The following PDE4B variants were observed in gnomAD, a reference collection of about 807,000 sequenced individuals.
PDE4B encodes the protein 3',5'-cyclic-AMP phosphodiesterase 4B.
A neutral mutation model predicts 82.2 loss-of-function variants in PDE4B; 20 were observed. That is an observed-to-expected ratio of 0.24 (90% CI 0.17 to 0.35). The LOEUF (loss-of-function observed/expected upper bound fraction) is 0.35, where lower values mean the gene tolerates loss of function less well. Ranked by LOEUF, PDE4B falls within the 10% of genes least tolerant of loss-of-function variation. PDE4B has a pLI of 1.00. For missense variants in PDE4B, 655 were observed against 907.2 expected (o/e 0.72, Z 3.57); for synonymous variants, 320 against 318.9 (o/e 1.00, Z -0.04).
At chr1:66,139,363 T>C (rs1353552053) in intron 3 of PDE4B, among the ~76,000 whole-genome samples, 1 of 152,140 alleles carries the variant, frequency 6.6e-6, no homozygotes, top group Non-Finnish European at 1.5e-5. Context: ...CTTAGCTCCT[T>C]AATACTGGCC....
chr1:65,931,918 G>T (rs1272275100), intron 3 of PDE4B, among the ~76,000 whole-genome samples: 2 of 152,190 alleles, frequency 1.3e-5, no homozygotes, highest in Admixed American at 6.5e-5. Flanking sequence ...GCATAATCTA[G>T]CCATCCAGGG....
intron 1 of PDE4B, among the ~76,000 whole-genome samples, chr1:65,845,772 C>T (rs571141930): frequency 4.6e-5 from 7 of 152,130 alleles, no homozygotes; most frequent in Non-Finnish European, 8.8e-5. Context: ...CACCCTTTAT[C>T]TTTAATGACT....
At chr1:66,022,085 G>A (rs996415392) in intron 3 of PDE4B, among the ~76,000 whole-genome samples, 1 of 152,184 alleles carries the variant, frequency 6.6e-6, no homozygotes, top group Admixed American at 6.5e-5. Flanking sequence ...TTGTGAGTGG[G>A]AGTTCACTCG....
intron 3 of PDE4B, among the ~76,000 whole-genome samples, chr1:66,008,464 C>G (rs1652282287): frequency 6.6e-6 from 1 of 152,142 alleles, no homozygotes; most frequent in South Asian, 2.1e-4. Flanking sequence ...TACTCACCCA[C>G]AAGGGCTTTG....
intron 3 of PDE4B, among the ~76,000 whole-genome samples, chr1:66,059,646 G>A (rs201150011): frequency 3.9e-5 from 6 of 152,218 alleles, no homozygotes; most frequent in South Asian, 2.1e-4. Flanking sequence ...CTTGTGAGAC[G>A]TATTCACTAT....
intron 3 of PDE4B, among the ~76,000 whole-genome samples, chr1:66,090,323 T>C (rs1390097395): frequency 6.6e-6 from 1 of 151,878 alleles, no homozygotes; most frequent in African/African-American, 2.4e-5. Flanking sequence ...CAGCTGGAAA[T>C]ATGCTTAGAT....
chr1:66,369,220 T>C (rs977866593), intron 16 of PDE4B, among the ~76,000 whole-genome samples: 2 of 152,214 alleles, frequency 1.3e-5, no homozygotes, highest in African/African-American at 4.8e-5. Context: ...TTTAGATAGT[T>C]GTCTCTGATG....
intron 2 of PDE4B, among the ~76,000 whole-genome samples, chr1:65,913,564 G>A (rs1481075590): frequency 6.6e-6 from 1 of 152,152 alleles, no homozygotes; most frequent in Non-Finnish European, 1.5e-5. Context: ...AATGGGCTGA[G>A]TTTCACTTTT....
intron 7 of PDE4B, among the ~76,000 whole-genome samples, chr1:66,324,973 C>G (rs1024241668): frequency 1.1e-4 from 16 of 152,068 alleles, no homozygotes; most frequent in African/African-American, 3.4e-4. Flanking sequence ...TTATATCTAA[C>G]TCTAAGGGAA....
At chr1:66,334,956 A>G (rs1230778734) in intron 8 of PDE4B, among the ~76,000 whole-genome samples, 1 of 152,206 alleles carries the variant, frequency 6.6e-6, no homozygotes. Flanking sequence ...AAAGAAATTG[A>G]TCTACACCAG....
intron 3 of PDE4B, among the ~76,000 whole-genome samples, chr1:66,067,449 C>G (rs1018619307): frequency 4.6e-5 from 7 of 152,102 alleles, no homozygotes; most frequent in African/African-American, 1.7e-4. Context: ...TGATCATGAG[C>G]ATTTTTTCAT....
At chr1:66,082,188 TG>T (rs1224874242) in intron 3 of PDE4B, among the ~76,000 whole-genome samples, 1 of 152,112 alleles carries the variant, frequency 6.6e-6, no homozygotes, top group Non-Finnish European at 1.5e-5. Context: ...GGTGCTACTT[TG>T]CAGTCTTCTT....
intron 3 of PDE4B, among the ~76,000 whole-genome samples, chr1:66,197,455 A>T (rs1648425495): frequency 6.6e-6 from 1 of 152,132 alleles, no homozygotes; most frequent in African/African-American, 2.4e-5. Flanking sequence ...GGGAGCAAAA[A>T]AAATCAGCCA....
At chr1:66,071,720 G>C (rs1015448139) in intron 3 of PDE4B, among the ~76,000 whole-genome samples, 3 of 152,036 alleles carry the variant, frequency 2.0e-5, no homozygotes, top group Non-Finnish European at 2.9e-5. Flanking sequence ...CAGCTTCCCT[G>C]TTATGACAGA....
intron 1 of PDE4B, among the ~76,000 whole-genome samples, chr1:65,825,229 C>T (rs1646000670): frequency 6.6e-6 from 1 of 152,126 alleles, no homozygotes; most frequent in African/African-American, 2.4e-5. Flanking sequence ...TTCCCCACCT[C>T]CCCTTTTTCA....
intron 7 of PDE4B, among the ~76,000 whole-genome samples, chr1:66,296,902 T>C (rs1657552142): frequency 6.6e-6 from 1 of 152,192 alleles, no homozygotes; most frequent in Non-Finnish European, 1.5e-5. Flanking sequence ...GAGGTGACCC[T>C]TCCAGAGCCT....
At chr1:66,257,456 T>G in intron 4 of PDE4B, 191 bp from the exon 5 acceptor site, 1 of 768,422 alleles carries the variant, frequency 1.3e-6, no homozygotes, top group South Asian at 1.4e-5. Context: ...ATGAATCTAG[T>G]ACTAATTTTT....
chr1:65,959,349 T>C (rs1381824595), intron 3 of PDE4B, among the ~76,000 whole-genome samples: 8 of 152,140 alleles, frequency 5.3e-5, no homozygotes, highest in Non-Finnish European at 5.9e-5. Context: ...AAATCTGAAT[T>C]TTTTTAAATG....
intron 3 of PDE4B, among the ~76,000 whole-genome samples, chr1:65,919,272 G>C (rs1647197654): frequency 6.6e-6 from 1 of 152,058 alleles, no homozygotes; most frequent in Non-Finnish European, 1.5e-5. Context: ...ATTAATCTCA[G>C]TTTGTGATTA....
Sources: gnomAD v4.1 joint callset for allele counts (sites outside exome capture counted in the v4.1 genomes callset) on GRCh38, gnomAD v4.1.1 for gene constraint, MANE v1.5 for transcripts, NCBI Gene and HGNC (gene_info 2026-07-23, HGNC 2026-07-21) for gene names.